The following SEPTIN11 variants were observed in gnomAD, a reference collection of about 807,000 sequenced individuals.
SEPTIN11 encodes the protein septin 11, also known as septin-11.
In SEPTIN11, 25 loss-of-function variants were observed where a neutral mutation model predicts 51.4. That is an observed-to-expected ratio of 0.49 (90% confidence interval 0.35 to 0.68). The LOEUF is 0.68. Among genes scored for constraint, SEPTIN11 ranks in the 30% least tolerant of loss-of-function variants. The pLI, the probability that SEPTIN11 is intolerant of heterozygous loss-of-function variation, is 0.00. For missense variants in SEPTIN11, 381 were observed against 520.8 expected, an observed-to-expected ratio of 0.73 and a Z score of 2.61; for synonymous variants, 174 against 184.1, an observed-to-expected ratio of 0.95 and a Z score of 0.44.
chr4:77,021,958 A>T (rs148617796), intron 7 of SEPTIN11, among the ~76,000 whole-genome samples: 2 of 152,252 alleles, frequency 1.3e-5, no homozygotes, highest in Admixed American at 6.5e-5. Flanking sequence ...CCAAGATTGC[A>T]TCATTCACTT....
At chr4:76,973,733 C>G (rs565707035) in intron 1 of SEPTIN11, among the ~76,000 whole-genome samples, 2 of 152,324 alleles carry the variant, frequency 1.3e-5, no homozygotes, top group South Asian at 4.1e-4. Context: ...CTTACTTGCT[C>G]TAAGAACTTG....
chr4:76,957,879 C>G (rs952546974), intron 1 of SEPTIN11, among the ~76,000 whole-genome samples: 13 of 152,160 alleles, frequency 8.5e-5, no homozygotes, highest in East Asian at 1.9e-4. Context: ...GAGTCCCCAC[C>G]CCACCTTTCC....
Position 77,005,458 on chromosome 4 carries a change from A to C in SEPTIN11, c.143-143A>C, listed in dbSNP as rs1578172410. 7 of 686,396 alleles carry C rather than the reference A, an allele frequency of 1.0e-5. No homozygotes were observed. The East Asian group carries it at 2.0e-4, about 20-fold the overall frequency. 42.5% of individuals were successfully genotyped at this position (686,396 alleles called of 1,614,324 possible). On this transcript the variant is annotated intron_variant, in intron 2 of 9. Coordinates refer to ENST00000264893, the MANE Select transcript of SEPTIN11 (RefSeq NM_018243.4). Reference sequence around the variant, plus strand: ...ATTCCATAGATTACACATAGAAAGAATTATCTCTTCACAGTGACATTTCTG... The same window carrying C: ...ATTCCATAGATTACACATAGAAAGACTTATCTCTTCACAGTGACATTTCTG...
At position 77,036,693 on chromosome 4, in the gene SEPTIN11, C is replaced by T; in HGVS notation, c.*2181C>T. 1 of 1,528,218 alleles carries T rather than the reference C, an allele frequency of 6.5e-7. No homozygotes were observed. Among genetic ancestry groups the T allele is most frequent in the South Asian group, 1.2e-5 (1 of 81,816 alleles). 94.7% of individuals were successfully genotyped at this position (1,528,218 alleles called of 1,614,324 possible). A position where few individuals can be genotyped will look rare whatever the true frequency, so the allele number is the denominator to read the frequency against. On this transcript the variant is annotated 3_prime_UTR_variant, in exon 10 of 10. Coordinates refer to ENST00000264893, the MANE Select transcript of SEPTIN11 (RefSeq NM_018243.4). ...GTATTGCTTCTGAACTTTTTTCTGCCACTGCTCCCTAGCCCTGTTTAGTTT... is the reference window on the plus strand; with the variant it reads ...GTATTGCTTCTGAACTTTTTTCTGCTACTGCTCCCTAGCCCTGTTTAGTTT...
intron 8 of SEPTIN11, among the ~76,000 whole-genome samples, chr4:77,030,039 A>G (rs1413948324): frequency 6.6e-6 from 1 of 151,930 alleles, no homozygotes; most frequent in Non-Finnish European, 1.5e-5. Context: ...TGGGAGGATC[A>G]CGAGGTCAGG....
At chr4:77,002,806 C>T (rs1322659105) in intron 2 of SEPTIN11, among the ~76,000 whole-genome samples, 1 of 151,532 alleles carries the variant, frequency 6.6e-6, no homozygotes, top group Non-Finnish European at 1.5e-5. Context: ...GTAAGGAAGA[C>T]AGGAAACCGT....
rs1050546819 is a variant in SEPTIN11 at position 77,038,042 on chromosome 4, C to T, written c.*3530C>T. 4.1e-6 allele frequency: 4 copies of T among 985,844 alleles called. No homozygotes were observed. The highest frequency in any genetic ancestry group is 4.8e-6 in the Non-Finnish European group (4 of 829,940). The allele number at this position is 985,844 out of a possible 1,614,324, so 61.1% of individuals were successfully genotyped here. On this transcript the variant is annotated 3_prime_UTR_variant, in exon 10 of 10. Transcript: ENST00000264893. ...CTGTTACCGACCCACGTCCTGCTGTCTCTGTGTGGTCCTACAAAAACTGTC... is the reference window on the plus strand; with the variant it reads ...CTGTTACCGACCCACGTCCTGCTGTTTCTGTGTGGTCCTACAAAAACTGTC...
Position 77,003,929 on chromosome 4 carries a change from G to T in SEPTIN11, c.143-1672G>T, listed in dbSNP as rs766170101. ...TAGTTGAAAGGGCTGTTCTATATTG[G>T]CAAGTTTAAATTGAGCTGGAAATCT... On this transcript the variant is annotated intron_variant, in intron 2 of 9. Transcript: ENST00000264893. 1.1e-4 allele frequency among the ~76,000 whole-genome samples: 16 copies of T among 152,084 alleles called. No individual in the cohort carries two copies. The South Asian group carries it at 1.5e-3, about 14-fold the overall frequency.
At chr4:76,983,393 A>G (rs1722866674) in intron 1 of SEPTIN11, among the ~76,000 whole-genome samples, 1 of 152,212 alleles carries the variant, frequency 6.6e-6, no homozygotes, top group South Asian at 2.1e-4. Context: ...TCAGTCCTAC[A>G]GCTGCAAGGA....
intron 1 of SEPTIN11, among the ~76,000 whole-genome samples, chr4:76,979,389 T>C (rs1336052049): frequency 1.3e-5 from 2 of 152,170 alleles, no homozygotes; most frequent in Non-Finnish European, 2.9e-5. Context: ...GGTGGAGGCA[T>C]GCTCTGTGCA....
chr4:77,022,051 G>A (rs927373037), intron 7 of SEPTIN11, among the ~76,000 whole-genome samples: 2 of 152,186 alleles, frequency 1.3e-5, no homozygotes, highest in South Asian at 2.1e-4. Context: ...ACCTTTTTGT[G>A]TACACAGGTT....
intron 5 of SEPTIN11, among the ~76,000 whole-genome samples, chr4:77,016,645 TATATATATATAC>T (rs1468466683): frequency 3.9e-5 from 5 of 127,840 alleles, no homozygotes; most frequent in East Asian, 2.2e-4. Flanking sequence ...TATATATATA[TATATATATATAC>T]ACATATATAT....
intron 1 of SEPTIN11, among the ~76,000 whole-genome samples, chr4:76,961,503 C>T (rs1026638768): frequency 4.6e-5 from 7 of 152,106 alleles, no homozygotes. Context: ...GTCCTGATAA[C>T]CACATTATAT....
chr4:76,998,924 A>G (rs1723923554), intron 2 of SEPTIN11, among the ~76,000 whole-genome samples: 1 of 152,130 alleles, frequency 6.6e-6, no homozygotes, highest in African/African-American at 2.4e-5. Flanking sequence ...TCCAAAACAT[A>G]CAAGGTTCCC....
chr4:76,954,022 A>G (rs1310822854), intron 1 of SEPTIN11, among the ~76,000 whole-genome samples: 1 of 152,214 alleles, frequency 6.6e-6, no homozygotes, highest in Non-Finnish European at 1.5e-5. Flanking sequence ...GACCATTTGA[A>G]TAATACTCTT....
downstream of SEPTIN11, chr4:77,039,255 T>A (rs999235518): frequency 8.4e-7 from 1 of 1,189,954 alleles, no homozygotes; most frequent in Non-Finnish European, 1.1e-6. Context: ...CTTGTCAATG[T>A]CTGCCCATAG....
intron 1 of SEPTIN11, chr4:76,974,641 A>G (rs77344589): frequency 0.028 from 11,306 of 409,292 alleles, 249 homozygotes; most frequent in East Asian, 0.12. Flanking sequence ...GTCGTTTCAC[A>G]CTGCCAAGTG....
intron 1 of SEPTIN11, chr4:76,973,066 G>A (rs1410494070): frequency 2.0e-5 from 3 of 152,170 alleles, no homozygotes; most frequent in Non-Finnish European, 4.4e-5. Flanking sequence ...AGAAGAAACC[G>A]GGTGGTGAGT....
At chr4:76,955,372 G>T (rs904579340) in intron 1 of SEPTIN11, among the ~76,000 whole-genome samples, 3 of 152,180 alleles carry the variant, frequency 2.0e-5, no homozygotes, top group African/African-American at 7.2e-5. Flanking sequence ...TTGTGGAAGT[G>T]TTCCAAGCCC....
Sources: allele counts gnomAD v4.1 joint callset (sites outside exome capture counted in the v4.1 genomes callset), GRCh38; gene constraint gnomAD v4.1.1; transcripts MANE v1.5; gene names NCBI Gene and HGNC (gene_info 2026-07-23, HGNC 2026-07-21).